Variants in MYO1F observed in about 807,000 individuals in gnomAD.
MYO1F encodes the protein myosin IF, also known as unconventional myosin-If.
MYO1F carries 60 observed loss-of-function variants against 146.6 expected under a neutral mutation model. The ratio of observed to expected loss-of-function variants is 0.41; its 90% CI spans 0.33 to 0.51. The LOEUF is 0.51. Among genes scored for constraint, MYO1F ranks in the 20% least tolerant of loss-of-function variants. MYO1F has a pLI of 0.25. For synonymous variants in MYO1F, 602 were observed against 602.1 expected, an observed-to-expected ratio of 1.00 and a Z score of 0.00; for missense variants, 1,274 against 1,534.3, an observed-to-expected ratio of 0.83 and a Z score of 2.83.
At chr19:8,553,631 G>A (rs1392726689) in intron 4 of MYO1F, among the ~76,000 whole-genome samples, 194 bp from the exon 5 acceptor site, 1 of 152,028 alleles carries the variant, frequency 6.6e-6, no homozygotes, top group African/African-American at 2.4e-5. Flanking sequence ...CCAGCACTTT[G>A]GGAGCCTGAG....
At chr19:8,552,570 G>A (rs1367658546) in intron 6 of MYO1F, among the ~76,000 whole-genome samples, 5 of 152,012 alleles carry the variant, frequency 3.3e-5, no homozygotes, top group African/African-American at 1.2e-4. Context: ...CCCAGCCCAA[G>A]GGTATGGAAT....
At chr19:8,568,423 A>C (rs2042046242) in intron 1 of MYO1F, among the ~76,000 whole-genome samples, 1 of 36,508 alleles carries the variant, frequency 2.7e-5, no homozygotes, top group Non-Finnish European at 7.3e-5. Context: ...ACTCCGTCTC[A>C]AAAAAAAAAA....
intron 1 of MYO1F, chr19:8,576,904 C>A: frequency 3.2e-6 from 1 of 308,850 alleles, no homozygotes; most frequent in African/African-American, 2.1e-5. Context: ...TCTGTGGGAA[C>A]CGGGGCCAAG....
Position 8,555,802 on chromosome 19 carries a change from G to A in MYO1F, c.4-6C>T, listed in dbSNP as rs762735746. The stretch of plus-strand genomic sequence containing the variant: ...TGGAAGCGCTCCTTGCTGCCCTGGG[G>A]GGTGAGAGGGGGGTCGGGGTGAGCC... On this transcript the variant is annotated splice_region_variant and splice_polypyrimidine_tract_variant and intron_variant, in intron 1 of 27. Transcript: ENST00000644032. 1.2e-6 allele frequency: 2 copies of A among 1,610,728 alleles called. No individual in the cohort carries two copies. The highest frequency in any genetic ancestry group is 8.5e-7 in the Non-Finnish European group (1 of 1,178,880).
intron 1 of MYO1F, among the ~76,000 whole-genome samples, chr19:8,575,310 C>T (rs1321560651): frequency 6.6e-6 from 1 of 150,902 alleles, no homozygotes; most frequent in African/African-American, 2.4e-5. Context: ...CTCTTGACTT[C>T]GTGATCTGCC....
chr19:8,527,514 C>T, intron 21 of MYO1F, 31 bp from the exon 22 acceptor site: 1 of 1,611,306 alleles, frequency 6.2e-7, no homozygotes, highest in Non-Finnish European at 8.5e-7. Flanking sequence ...AGGCTGATGC[C>T]TGTAGCCTGG....
intron 1 of MYO1F, among the ~76,000 whole-genome samples, chr19:8,565,432 C>T (rs554236160): frequency 6.6e-6 from 1 of 152,020 alleles, no homozygotes; most frequent in African/African-American, 2.4e-5. Flanking sequence ...ATCCCAGCTA[C>T]TCGGGAGGCT....
intron 14 of MYO1F, chr19:8,544,022 G>GGTGTT (rs1973215023): frequency 1.9e-6 from 1 of 536,422 alleles, no homozygotes; most frequent in Admixed American, 3.2e-5. Context: ...CGGTGGCGGT[G>GGTGTT]GCGGTGGCGG....
intron 19 of MYO1F, among the ~76,000 whole-genome samples, chr19:8,532,889 G>GAAAAA (rs60096210): frequency 1.8e-5 from 2 of 113,746 alleles, no homozygotes; most frequent in African/African-American, 6.5e-5. Context: ...TCCTGTCTCA[G>GAAAAA]AAAAAAAAAA....
chr19:8,559,459 G>T (rs1471242525), intron 1 of MYO1F, among the ~76,000 whole-genome samples: 2 of 151,998 alleles, frequency 1.3e-5, no homozygotes, highest in East Asian at 3.9e-4. Flanking sequence ...GGTAGATCTG[G>T]GTTCTGATCC....
At chr19:8,545,883 T>G (rs1351086135) in intron 12 of MYO1F, 147 bp from the exon 13 acceptor site, 2 of 695,696 alleles carry the variant, frequency 2.9e-6, no homozygotes, top group Admixed American at 4.0e-5. Context: ...AGGCTGGAAG[T>G]GCCAGGGAAT....
chr19:8,537,076 GGT>G, intron 16 of MYO1F, 21 bp from the exon 17 acceptor site: 1 of 1,536,470 alleles, frequency 6.5e-7, no homozygotes, highest in Non-Finnish European at 9.0e-7. Flanking sequence ...AGTGAAGACG[GGT>G]GGGTGGGGGG....
At chr19:8,526,107 G>A (rs1972254915) in intron 24 of MYO1F, among the ~76,000 whole-genome samples, 3 of 152,062 alleles carry the variant, frequency 2.0e-5, no homozygotes, top group Non-Finnish European at 4.4e-5. Context: ...GGCGGGTGGA[G>A]CATGAGGTAA....
chr19:8,571,227 A>T (rs1012253238), intron 1 of MYO1F, among the ~76,000 whole-genome samples: 59 of 152,226 alleles, frequency 3.9e-4, no homozygotes, highest in Non-Finnish European at 7.2e-4. Flanking sequence ...CTGCTTCTGG[A>T]GCCAGCTCTC....
intron 1 of MYO1F, among the ~76,000 whole-genome samples, chr19:8,556,190 G>A (rs184512203): frequency 6.6e-6 from 1 of 151,060 alleles, no homozygotes; most frequent in Non-Finnish European, 1.5e-5. Flanking sequence ...CACCATGCCC[G>A]GCTAATTTTT....
At position 8,551,831 on chromosome 19, in the gene MYO1F, A is replaced by G. The variant is rs766520493; in HGVS notation, c.680T>C (p.Leu227Pro). The G allele has an allele frequency of 1.2e-6, 2 of 1,614,104 alleles. No individual in the cohort carries two copies. Among genetic ancestry groups the G allele is most frequent in the South Asian group, 2.2e-5 (2 of 91,084 alleles). Residue 227 changes from leucine to proline, a missense_variant, in exon 8 of 28, where the codon CTC (leucine) becomes CCC (proline). Leu to Pro is a moderately conservative substitution (Grantham distance 98, BLOSUM62 -3). This residue lies in a region of MYO1F where 900 missense variants were observed against 1,155.1 expected (regional missense o/e 0.78). Coordinates refer to ENST00000644032, the MANE Select transcript of MYO1F (RefSeq NM_012335.4). Reference protein sequence around the residue: ...ASQEQRQNLGLMTPDYYYYLN... With the variant: ...ASQEQRQNLGPMTPDYYYYLN... ...GTAGTAATAGTAGTCCGGTGTCATG[A>G]GGCCCAGGTTCTGCCTTTGCTCCTG... is the stretch of plus-strand genomic sequence containing the variant.
chr19:8,558,801 A>G (rs1365829176), intron 1 of MYO1F, among the ~76,000 whole-genome samples: 1 of 152,104 alleles, frequency 6.6e-6, no homozygotes, highest in South Asian at 2.1e-4. Context: ...CTGTCAAATG[A>G]ACAGGGGACA....
chr19:8,547,828 G>A, intron 12 of MYO1F: 1 of 579,930 alleles, frequency 1.7e-6, no homozygotes, highest in Non-Finnish European at 3.1e-6. Flanking sequence ...ATAAATAATT[G>A]CTGAATGAAT....
intron 14 of MYO1F, chr19:8,543,996 C>CTGGTGCTGGTGGTGGTGCTGGTGG: frequency 1.5e-5 from 2 of 137,132 alleles, no homozygotes; most frequent in South Asian, 1.2e-4. Context: ...GGTGGTGGTG[C>CTGGTGCTGGTGGTGGTGCTGGTGG]TGGTGGTGGC....
Sources: gnomAD v4.1 joint callset for allele counts (sites outside exome capture counted in the v4.1 genomes callset) on GRCh38, gnomAD v4.1.1 for gene constraint, gnomAD v4.1.1 regional missense constraint, MANE v1.5 for transcripts, NCBI Gene and HGNC (gene_info 2026-07-23, HGNC 2026-07-21) for gene names.